The following BNIP1 variants were observed in gnomAD, a reference collection of about 807,000 sequenced individuals.
BNIP1 encodes the protein vesicle transport protein SEC20.
In BNIP1, 25 loss-of-function variants were observed where a neutral mutation model predicts 28.5. That is an observed-to-expected ratio of 0.88 (90% CI 0.64 to 1.23). The LOEUF is 1.23. Ranked by LOEUF, BNIP1 falls within the 50% of genes most tolerant of loss-of-function variation. The pLI, the probability that BNIP1 is intolerant of heterozygous loss-of-function variation, is 0.00. For synonymous variants in BNIP1, 118 were observed against 101.7 expected (o/e 1.16, Z -0.96); for missense variants, 276 against 277.0 (o/e 1.00, Z 0.02).
Position 173,164,245 on chromosome 5 carries a change from C to T in BNIP1, c.*324C>T, listed in dbSNP as rs560597270. The T allele has an allele frequency of 4.1e-5, 9 of 221,474 alleles. No homozygotes were observed. The highest frequency in any genetic ancestry group is 3.8e-4 in the East Asian group (4 of 10,632). 13.7% of individuals were successfully genotyped at this position (221,474 alleles called of 1,614,324 possible). A position where few individuals can be genotyped will look rare whatever the true frequency, so the allele number is the denominator to read the frequency against. On this transcript the variant is annotated 3_prime_UTR_variant, in exon 6 of 6. Coordinates refer to ENST00000351486, the MANE Select transcript of BNIP1 (RefSeq NM_001205.3). This position sits in a 1 kb window ranked among gnomAD's most constrained non-coding sequence, Gnocchi z 4.0. ...AGGACCGGATGCCCCTCCTGTCTCC[C>T]GCTCCCATCGTGCCCTTAAATGCCA... is the stretch of plus-strand genomic sequence containing the variant.
At chr5:173,145,541 A>G (rs543985643) in intron 1 of BNIP1, among the ~76,000 whole-genome samples, 59 of 152,296 alleles carry the variant, frequency 3.9e-4, no homozygotes, top group African/African-American at 1.4e-3. Context: ...AGCTGGGACT[A>G]CAGGCACCCG....
chr5:173,160,023 G>A lies in BNIP1; in HGVS notation c.462G>A (p.Gln154=), dbSNP rs745449207. Residue 154 remains glutamine (Q), a synonymous_variant, in exon 5 of 6, where the codon CAG becomes CAA. Coordinates refer to ENST00000351486, the MANE Select transcript of BNIP1 (RefSeq NM_001205.3). ...GISRMMAQQV[Q]QSEEAMQSLV... ...GCAGGATGATGGCCCAGCAGGTCCA[G>A]CAGAGCGAGGAGGCCATGCAGTCTC... The A allele has an allele frequency of 1.2e-6, 2 of 1,614,088 alleles. No individual in the cohort carries two copies. The highest frequency in any genetic ancestry group is 1.7e-5 in the Admixed American group (1 of 60,028).
Position 173,164,090 on chromosome 5 carries a change from A to C in BNIP1, c.*169A>C. The C allele has an allele frequency of 1.6e-6, 1 of 617,022 alleles. No homozygotes were observed. The highest frequency in any genetic ancestry group is 3.3e-5 in the South Asian group (1 of 30,294). The allele number at this position is 617,022 out of a possible 1,614,324, so 38.2% of individuals were successfully genotyped here. On this transcript the variant is annotated 3_prime_UTR_variant, in exon 6 of 6. Coordinates refer to ENST00000351486, the MANE Select transcript of BNIP1 (RefSeq NM_001205.3). This position sits in a 1 kb window ranked among gnomAD's most constrained non-coding sequence, Gnocchi z 4.0. ...TTTTCTGCAAGTAGCTGGCTTGTAA[A>C]GGGTGAACAGAGCCATGGGAGGAAG...
At chr5:173,157,243 A>G (rs1463519104) in intron 3 of BNIP1, among the ~76,000 whole-genome samples, 1 of 152,146 alleles carries the variant, frequency 6.6e-6, no homozygotes, top group South Asian at 2.1e-4. Flanking sequence ...TTCAGCATAA[A>G]GGTGCTATTA....
At chr5:173,154,841 T>A (rs1760136571) in intron 3 of BNIP1, among the ~76,000 whole-genome samples, 2 of 152,070 alleles carry the variant, frequency 1.3e-5, no homozygotes, top group Admixed American at 1.3e-4. Flanking sequence ...AGTTACACAC[T>A]GGTGGAATGT....
chr5:173,161,576 C>T (rs1208375375), intron 5 of BNIP1: 2 of 152,148 alleles, frequency 1.3e-5, no homozygotes, highest in Non-Finnish European at 2.9e-5. Context: ...TTTGTACAAG[C>T]GATAACTATT....
At chr5:173,148,673 C>T (rs973229316) in intron 2 of BNIP1, among the ~76,000 whole-genome samples, 1 of 152,140 alleles carries the variant, frequency 6.6e-6, no homozygotes, top group African/African-American at 2.4e-5. Flanking sequence ...GTCCTGCAAA[C>T]TTGTCATTAT....
At position 173,154,333 on chromosome 5, in the gene BNIP1, G is replaced by T. The variant is rs1471898039; in HGVS notation, c.189G>T (p.Gln63His). Residue 63 changes from glutamine (Q) to histidine (H), a missense_variant, in exon 3 of 6, where the codon CAG becomes CAT. Gln to His is a conservative substitution (Grantham distance 24). Coordinates refer to ENST00000351486, the MANE Select transcript of BNIP1 (RefSeq NM_001205.3). ...ATTTTTCCTCAAAGGACCTGGAGCA[G>T]TTGGCTAAAGAGCAAGACAAAGAAT... is the stretch of plus-strand genomic sequence containing the variant. ...QLRHRIQDLE[Q>H]LAKEQDKESE... 1 of 1,613,524 alleles carries T rather than the reference G, an allele frequency of 6.2e-7. No individual in the cohort carries two copies. Among genetic ancestry groups the T allele is most frequent in the African/African-American group, 1.3e-5 (1 of 74,896 alleles).
intron 3 of BNIP1, among the ~76,000 whole-genome samples, chr5:173,155,622 C>T (rs767735712): frequency 5.9e-5 from 9 of 151,804 alleles, no homozygotes; most frequent in Non-Finnish European, 1.0e-4. Flanking sequence ...CGCTTGAGCC[C>T]GGGAGGCAGA....
At position 173,163,776 on chromosome 5, in the gene BNIP1, C is replaced by G. The variant is rs571755895; in HGVS notation, c.542C>G (p.Ser181Trp). The part of the protein sequence containing the change: ...LDANEEFKSM[S>W]GTIQLGRKLI... ...GCAAATGAAGAATTTAAGTCCATGT[C>G]GGGCACCATCCAGCTGGGCCGGAAG... Residue 181 changes from serine (S) to tryptophan (W), a missense_variant, in exon 6 of 6, where the codon TCG (serine) becomes TGG (tryptophan). By Grantham distance (177) the Ser-to-Trp change is radical (BLOSUM62 -3). Coordinates refer to ENST00000351486, the MANE Select transcript of BNIP1 (RefSeq NM_001205.3). 6.2e-7 allele frequency: 1 copy of G among 1,612,854 alleles called. No homozygotes were observed. Among genetic ancestry groups the G allele is most frequent in the Admixed American group, 1.7e-5 (1 of 59,722 alleles).
chr5:173,151,607 A>AT (rs759569782), intron 2 of BNIP1: 50 of 1,579,898 alleles, frequency 3.2e-5, no homozygotes, highest in South Asian at 1.8e-4. Flanking sequence ...CTGCTTCCAC[A>AT]TTTTTTTTTA....
chr5:173,148,086 ATATATATATATATATATATATATAT>A lies in BNIP1; in HGVS notation c.177+1129_177+1153del, dbSNP rs1759910282. 1.3e-3 allele frequency among the ~76,000 whole-genome samples: 30 copies of A among 23,126 alleles called. 2 individuals carry two copies. The highest frequency in any genetic ancestry group is 0.011 in the East Asian group (5 of 454). The allele number at this position is 23,126 out of a possible 152,430, so 15.2% of individuals were successfully genotyped here. A position where few individuals can be genotyped will look rare whatever the true frequency, so the allele number is the denominator to read the frequency against. On this transcript the variant is annotated intron_variant, in intron 2 of 5. Coordinates refer to ENST00000351486, the MANE Select transcript of BNIP1 (RefSeq NM_001205.3). Reference sequence around the variant, plus strand: ...TCAAAAAAAAAAAAAAAAAAAAAATATATATATATATATATATATATATATATATATATATATATATATATATATA... The same window carrying A: ...TCAAAAAAAAAAAAAAAAAAAAAATAATATATATATATATATATATATATA...
intron 1 of BNIP1, among the ~76,000 whole-genome samples, chr5:173,145,699 G>A (rs1424609475): frequency 6.6e-6 from 1 of 152,214 alleles, no homozygotes; most frequent in East Asian, 1.9e-4. Flanking sequence ...CACCGCGCCC[G>A]GCCTAAACCT....
At chr5:173,150,395 A>G (rs141719122) in intron 2 of BNIP1, among the ~76,000 whole-genome samples, 96 of 152,306 alleles carry the variant, frequency 6.3e-4, no homozygotes, top group African/African-American at 2.2e-3. Context: ...GACCCCTGAG[A>G]AACAGTATGT....
intron 2 of BNIP1, 39 bp downstream of exon 2, chr5:173,146,997 C>T (rs767859815): frequency 1.3e-6 from 2 of 1,515,166 alleles, no homozygotes; most frequent in Non-Finnish European, 9.2e-7. Flanking sequence ...GGGGCTCTGT[C>T]CTGGGTATAT....
chr5:173,151,982 G>T (rs1041650215), intron 2 of BNIP1, among the ~76,000 whole-genome samples: 2 of 152,152 alleles, frequency 1.3e-5, no homozygotes, highest in Admixed American at 6.5e-5. Context: ...TTTCCAACAA[G>T]ATCATGTGAT....
intron 5 of BNIP1, among the ~76,000 whole-genome samples, chr5:173,162,380 T>G (rs997298585): frequency 6.6e-6 from 1 of 152,220 alleles, no homozygotes; most frequent in African/African-American, 2.4e-5. Context: ...TCCCAGCACT[T>G]TGGGAGGCCA....
At chr5:173,144,749 G>GCCCCATGGTCGGCTACCC in intron 1 of BNIP1, 120 bp downstream of exon 1, 1 of 1,038,020 alleles carries the variant, frequency 9.6e-7, no homozygotes. Flanking sequence ...CACAGGCTCC[G>GCCCCATGGTCGGCTACCC]CCCCATGGTC....
At chr5:173,158,717 A>G (rs773808162) in intron 3 of BNIP1, 27 bp from the exon 4 acceptor site, 1 of 1,576,362 alleles carries the variant, frequency 6.3e-7, no homozygotes, top group African/African-American at 1.3e-5. Context: ...GAGTGGACAC[A>G]CTCACACGTG....
Sources: gnomAD v4.1 joint callset for allele counts (sites outside exome capture counted in the v4.1 genomes callset) on GRCh38, gnomAD v4.1.1 for gene constraint, Gnocchi (gnomAD v3.1) non-coding constraint, MANE v1.5 for transcripts, NCBI Gene and HGNC (gene_info 2026-07-23, HGNC 2026-07-21) for gene names.